Variants in PDZRN4 observed in about 807,000 individuals in gnomAD.
The protein encoded by PDZRN4 is PDZ domain-containing RING finger protein 4.
PDZRN4 carries 70 observed loss-of-function variants against 99.0 expected under a neutral mutation model. That is an observed-to-expected ratio of 0.71 (90% CI 0.58 to 0.86). PDZRN4 has a LOEUF of 0.86. Ranked by LOEUF, PDZRN4 falls within the 40% of genes least tolerant of loss-of-function variation. The probability of loss-of-function intolerance (pLI) is 0.00; values close to 1 mark genes in which losing one functional copy is unlikely to be tolerated. For missense variants in PDZRN4, 1,474 were observed against 1,331.2 expected (o/e 1.11, Z -1.67); for synonymous variants, 551 against 501.6 (o/e 1.10, Z -1.32).
chr12:41,359,393 G>C (rs1421624385), intron 3 of PDZRN4, among the ~76,000 whole-genome samples: 1 of 151,938 alleles, frequency 6.6e-6, no homozygotes, highest in Non-Finnish European at 1.5e-5. Context: ...GCAATCTTCT[G>C]TAGGCAATCT....
chr12:41,359,056 A>C (rs1219877588), intron 3 of PDZRN4, among the ~76,000 whole-genome samples: 3 of 152,022 alleles, frequency 2.0e-5, no homozygotes, highest in Non-Finnish European at 4.4e-5. Flanking sequence ...TGTTATTTAC[A>C]TTACGTTGTT....
intron 3 of PDZRN4, among the ~76,000 whole-genome samples, chr12:41,310,843 G>T (rs1356488749): frequency 6.6e-6 from 1 of 152,028 alleles, no homozygotes; most frequent in Non-Finnish European, 1.5e-5. Flanking sequence ...AGGGCAAGTG[G>T]TTCTAACATA....
intron 3 of PDZRN4, among the ~76,000 whole-genome samples, chr12:41,490,709 G>A (rs185495095): frequency 1.0e-3 from 155 of 151,988 alleles, no homozygotes; most frequent in African/African-American, 3.5e-3. Context: ...AACATCCTTC[G>A]TTTTATTGAT....
chr12:41,258,617 C>T (rs1008617387), intron 3 of PDZRN4, among the ~76,000 whole-genome samples: 4 of 152,138 alleles, frequency 2.6e-5, no homozygotes, highest in Non-Finnish European at 4.4e-5. Context: ...GTACCAAAAA[C>T]GTGAAACTAC....
intron 3 of PDZRN4, among the ~76,000 whole-genome samples, chr12:41,490,739 T>C (rs1376566931): frequency 3.3e-5 from 5 of 152,106 alleles, no homozygotes; most frequent in Non-Finnish European, 5.9e-5. Flanking sequence ...TATTGGCTTA[T>C]TGATTTTAGA....
At chr12:41,239,657 A>G (rs2120779279) in intron 3 of PDZRN4, among the ~76,000 whole-genome samples, 1 of 152,324 alleles carries the variant, frequency 6.6e-6, no homozygotes, top group Non-Finnish European at 1.5e-5. Context: ...GTGACAAAAG[A>G]CACATCAAAT....
intron 3 of PDZRN4, among the ~76,000 whole-genome samples, chr12:41,278,219 A>G (rs949646998): frequency 6.6e-6 from 1 of 152,200 alleles, no homozygotes; most frequent in Admixed American, 6.5e-5. Context: ...CCATGATTGG[A>G]TATATCCTCC....
chr12:41,235,332 G>A (rs1951058781), intron 3 of PDZRN4, among the ~76,000 whole-genome samples: 1 of 152,004 alleles, frequency 6.6e-6, no homozygotes, highest in Admixed American at 6.6e-5. Flanking sequence ...TAAGAAAAAG[G>A]CCAAAAAATG....
At chr12:41,553,758 A>T (rs960844572) in intron 6 of PDZRN4, among the ~76,000 whole-genome samples, 9 of 152,160 alleles carry the variant, frequency 5.9e-5, no homozygotes, top group East Asian at 3.8e-4. Flanking sequence ...TTACATACTT[A>T]TATGTGAAAA....
chr12:41,189,846 G>T (rs907016330), intron 1 of PDZRN4, among the ~76,000 whole-genome samples: 1 of 152,128 alleles, frequency 6.6e-6, no homozygotes, highest in Non-Finnish European at 1.5e-5. Flanking sequence ...CTCCATCTGT[G>T]GTCAGACCGG....
chr12:41,340,189 C>T (rs932694321), intron 3 of PDZRN4, among the ~76,000 whole-genome samples: 1 of 152,114 alleles, frequency 6.6e-6, no homozygotes, highest in East Asian at 1.9e-4. Flanking sequence ...TGTCCATCAA[C>T]AGATGAATGG....
intron 3 of PDZRN4, among the ~76,000 whole-genome samples, chr12:41,368,174 T>A (rs921445308): frequency 7.2e-5 from 11 of 152,126 alleles, no homozygotes; most frequent in Non-Finnish European, 1.5e-4. Flanking sequence ...CCTTTACTTC[T>A]GTCTGCCACA....
chr12:41,218,178 C>G (rs767991225), intron 3 of PDZRN4, among the ~76,000 whole-genome samples: 13 of 152,072 alleles, frequency 8.5e-5, no homozygotes, highest in Non-Finnish European at 1.8e-4. Flanking sequence ...TGGCATAATT[C>G]AAGTAAAAGC....
intron 3 of PDZRN4, among the ~76,000 whole-genome samples, chr12:41,335,418 A>C (rs1951766260): frequency 6.6e-6 from 1 of 152,040 alleles, no homozygotes; most frequent in South Asian, 2.1e-4. Context: ...ATTGCACATC[A>C]CAAATGTTGT....
At chr12:41,436,480 T>TA (rs1180667196) in intron 3 of PDZRN4, among the ~76,000 whole-genome samples, 2 of 152,162 alleles carry the variant, frequency 1.3e-5, no homozygotes, top group East Asian at 3.9e-4. Flanking sequence ...GATAAGCAAT[T>TA]AAAAATCTCA....
At chr12:41,263,141 T>C (rs1235991864) in intron 3 of PDZRN4, among the ~76,000 whole-genome samples, 1 of 152,200 alleles carries the variant, frequency 6.6e-6, no homozygotes, top group African/African-American at 2.4e-5. Flanking sequence ...TACACACACG[T>C]ACATGTATCA....
chr12:41,355,058 G>A (rs557010541), intron 3 of PDZRN4, among the ~76,000 whole-genome samples: 1 of 152,150 alleles, frequency 6.6e-6, no homozygotes, highest in Admixed American at 6.6e-5. Flanking sequence ...CCGACTAAGT[G>A]TTTGCTTTGA....
chr12:41,417,943 C>T (rs557322598), intron 3 of PDZRN4, among the ~76,000 whole-genome samples: 25 of 152,292 alleles, frequency 1.6e-4, no homozygotes, highest in African/African-American at 5.5e-4. Flanking sequence ...GTAACACAAA[C>T]TCCAATTCAT....
At chr12:41,242,783 G>A (rs564698402) in intron 3 of PDZRN4, among the ~76,000 whole-genome samples, 1 of 152,032 alleles carries the variant, frequency 6.6e-6, no homozygotes, top group Non-Finnish European at 1.5e-5. Context: ...TTAACACGTT[G>A]GAGAGGATGG....
Sources: gnomAD v4.1 joint callset for allele counts (sites outside exome capture counted in the v4.1 genomes callset) on GRCh38, gnomAD v4.1.1 for gene constraint, MANE v1.5 for transcripts, NCBI Gene and HGNC (gene_info 2026-07-23, HGNC 2026-07-21) for gene names.